The following RNF144B variants were observed in gnomAD, a reference collection of about 807,000 sequenced individuals.
RNF144B encodes E3 ubiquitin-protein ligase RNF144B.
RNF144B carries 25 observed loss-of-function variants against 40.2 expected under a neutral mutation model. The observed-to-expected ratio is 0.62, with a 90% CI of 0.45 to 0.87. The LOEUF (loss-of-function observed/expected upper bound fraction) is 0.87. Among genes scored for constraint, RNF144B ranks in the 40% least tolerant of loss-of-function variants. The pLI is 0.00. For synonymous variants in RNF144B, 145 were observed against 136.3 expected, an observed-to-expected ratio of 1.06 and a Z score of -0.44; for missense variants, 365 against 373.7, an observed-to-expected ratio of 0.98 and a Z score of 0.19.
rs1231322632 is a variant in RNF144B, at chr6:18,459,839, T to A, written c.681+88T>A. 2 of 1,285,320 alleles carry A rather than the reference T, an allele frequency of 1.6e-6. No homozygotes were observed. The highest frequency in any genetic ancestry group is 3.0e-5 in the African/African-American group (2 of 67,276). 79.6% of individuals were successfully genotyped at this position (1,285,320 alleles called of 1,614,324 possible). ...TCCTACAGATTTTCCTTTAAAATATTGGGGCAATTTTTGTCCTGCAAAAGG... is the reference window on the plus strand; with the variant it reads ...TCCTACAGATTTTCCTTTAAAATATAGGGGCAATTTTTGTCCTGCAAAAGG... On this transcript the variant is annotated intron_variant, in intron 6 of 7. Coordinates refer to ENST00000259939, the MANE Select transcript of RNF144B (RefSeq NM_182757.4). The surrounding 1 kb of genome is among the most constrained non-coding windows in gnomAD (Gnocchi z 4.2).
At chr6:18,388,360 A>G (rs536901786) in intron 1 of RNF144B, among the ~76,000 whole-genome samples, 2 of 152,312 alleles carry the variant, frequency 1.3e-5, no homozygotes, top group South Asian at 4.1e-4. Context: ...TTATTTGAAC[A>G]TTGAGAGGTA....
intron 3 of RNF144B, among the ~76,000 whole-genome samples, chr6:18,438,644 A>G (rs1370379407): frequency 1.3e-5 from 2 of 152,180 alleles, no homozygotes; most frequent in South Asian, 2.1e-4. Flanking sequence ...TATTTGTTAA[A>G]TACAATTTTA....
chr6:18,392,125 G>A (rs1015536190), intron 1 of RNF144B, among the ~76,000 whole-genome samples: 4 of 151,502 alleles, frequency 2.6e-5, no homozygotes, highest in African/African-American at 9.7e-5. Context: ...GGAGAATGGC[G>A]TGAACCCAGG....
At chr6:18,392,113 C>A (rs1291986789) in intron 1 of RNF144B, among the ~76,000 whole-genome samples, 1 of 147,540 alleles carries the variant, frequency 6.8e-6, no homozygotes, top group African/African-American at 2.5e-5. Context: ...GAGGCTGAGG[C>A]AGGAGAATGG....
rs548730861 is a variant in RNF144B at position 18,414,435 on chromosome 6, G to A, written c.166-13146G>A. Among the ~76,000 whole-genome samples the A allele has an allele frequency of 1.1e-4, 17 of 152,236 alleles. No individual in the cohort carries two copies. In the South Asian group the frequency reaches 1.5e-3, roughly 13 times the overall value. The stretch of plus-strand genomic sequence containing the variant: ...ATTAATATGAGCTATTTTGCATGCT[G>A]GCTTTGTAGGTTATATCCTGTAGGA... On this transcript the variant is annotated intron_variant, in intron 2 of 7. Transcript: ENST00000259939. The surrounding 1 kb of genome is among the most constrained non-coding windows in gnomAD (Gnocchi z 4.9).
intron 3 of RNF144B, among the ~76,000 whole-genome samples, chr6:18,437,232 G>A (rs1368581377): frequency 6.6e-6 from 1 of 152,070 alleles, no homozygotes; most frequent in Non-Finnish European, 1.5e-5. Context: ...GGAAGCTGGG[G>A]GTTTGAGAGC....
chr6:18,455,913 TTTTTGTTTTTTTTG>T (rs1319726152), intron 4 of RNF144B, among the ~76,000 whole-genome samples: 1 of 152,084 alleles, frequency 6.6e-6, no homozygotes, highest in Non-Finnish European at 1.5e-5. Flanking sequence ...TTGTTTTTTG[TTTTTGTTTTTTTTG>T]TTTTGTTTTT....
rs944680761 is a variant in RNF144B at position 18,442,611 on chromosome 6, T to G, written c.331+2867T>G. On this transcript the variant is annotated intron_variant, in intron 4 of 7. Transcript: ENST00000259939. The surrounding 1 kb of genome is among the most constrained non-coding windows in gnomAD (Gnocchi z 4.3). ...TTTTAGATGTGCAATTCAGTGACAT[T>G]AATTACATTCATACAGTTGTGCAGC... 6.6e-6 allele frequency among the ~76,000 whole-genome samples: 1 copy of G among 152,212 alleles called. No homozygotes were observed. Among genetic ancestry groups the G allele is most frequent in the African/African-American group, 2.4e-5 (1 of 41,454 alleles).
At chr6:18,424,192 C>G (rs974040955) in intron 2 of RNF144B, among the ~76,000 whole-genome samples, 16 of 152,080 alleles carry the variant, frequency 1.1e-4, no homozygotes, top group African/African-American at 3.6e-4. Flanking sequence ...TTATTTTGCA[C>G]TTTTTAGCCA....
intron 1 of RNF144B, among the ~76,000 whole-genome samples, chr6:18,391,585 A>T (rs1035007011): frequency 6.6e-6 from 1 of 152,150 alleles, no homozygotes; most frequent in African/African-American, 2.4e-5. Flanking sequence ...TTTTAAGAAA[A>T]AGCCAGTTGC....
chr6:18,428,918 G>T (rs1466847061), intron 3 of RNF144B, among the ~76,000 whole-genome samples: 1 of 152,194 alleles, frequency 6.6e-6, no homozygotes, highest in Non-Finnish European at 1.5e-5. Context: ...TTGGCCAGGT[G>T]CTGTGGCTCA....
chr6:18,454,191 A>G (rs1323568015), intron 4 of RNF144B, among the ~76,000 whole-genome samples: 1 of 152,172 alleles, frequency 6.6e-6, no homozygotes, highest in African/African-American at 2.4e-5. Flanking sequence ...CCTATGTATC[A>G]AGGTGGAGAT....
chr6:18,462,319 T>A (rs1759472755), intron 6 of RNF144B, among the ~76,000 whole-genome samples: 1 of 152,218 alleles, frequency 6.6e-6, no homozygotes, highest in Non-Finnish European at 1.5e-5. Context: ...CAATAGTACT[T>A]GTTTTTAGCA....
intron 2 of RNF144B, among the ~76,000 whole-genome samples, chr6:18,409,352 C>G (rs1434928541): frequency 7.9e-6 from 1 of 125,946 alleles, no homozygotes; most frequent in Admixed American, 1.0e-4. Flanking sequence ...CACTCCAGCC[C>G]GGGCACCTGA....
At chr6:18,409,375 CAAAAAAAAAAAAA>C (rs770011648) in intron 2 of RNF144B, among the ~76,000 whole-genome samples, 1 of 59,556 alleles carries the variant, frequency 1.7e-5, no homozygotes, top group South Asian at 9.0e-4. Context: ...GAGACTGTCT[CAAAAAAAAAAAAA>C]AAAAAAAAAA....
intron 1 of RNF144B, among the ~76,000 whole-genome samples, chr6:18,394,791 C>T (rs901087982): frequency 3.9e-5 from 6 of 152,168 alleles, no homozygotes; most frequent in Non-Finnish European, 8.8e-5. Flanking sequence ...TCCATTCTTT[C>T]CTATCAGATA....
In RNF144B at chr6:18,450,182, T is replaced by C. The variant is rs1228942388; in HGVS notation, c.332-6973T>C. ...ACTTGTCTGTGCTGGATGCAGGTTTTATATTAATGTATTGATATGTTTACT... is the reference window on the plus strand; with the variant it reads ...ACTTGTCTGTGCTGGATGCAGGTTTCATATTAATGTATTGATATGTTTACT... On this transcript the variant is annotated intron_variant, in intron 4 of 7. Transcript: ENST00000259939. The surrounding 1 kb of genome is among the most constrained non-coding windows in gnomAD (Gnocchi z 4.7). Among the ~76,000 whole-genome samples, 1 of 152,216 alleles carries C rather than the reference T, an allele frequency of 6.6e-6. No individual in the cohort carries two copies. The highest frequency in any genetic ancestry group is 6.5e-5 in the Admixed American group (1 of 15,280).
At chr6:18,452,191 T>C (rs1759223990) in intron 4 of RNF144B, among the ~76,000 whole-genome samples, 1 of 152,168 alleles carries the variant, frequency 6.6e-6, no homozygotes, top group South Asian at 2.1e-4. Flanking sequence ...ACCCAGAAAT[T>C]ACTGCTCTGA....
At chr6:18,427,888 T>C (rs747304463) in intron 3 of RNF144B, among the ~76,000 whole-genome samples, 1 of 152,236 alleles carries the variant, frequency 6.6e-6, no homozygotes, top group Non-Finnish European at 1.5e-5. Context: ...TATTTACATA[T>C]ACCATCTTGA....
Sources: allele counts gnomAD v4.1 joint callset (sites outside exome capture counted in the v4.1 genomes callset), GRCh38; gene constraint gnomAD v4.1.1; non-coding constraint Gnocchi (gnomAD v3.1); transcripts MANE v1.5; gene names NCBI Gene and HGNC (gene_info 2026-07-23, HGNC 2026-07-21).